ANKRD28: variants seen among roughly 807,000 people sequenced by gnomAD.
ANKRD28 encodes ankyrin repeat domain 28.
Under a neutral mutation model 126.5 loss-of-function variants are expected in ANKRD28, and 44 were observed. The ratio of observed to expected loss-of-function variants is 0.35; its 90% CI spans 0.27 to 0.45. The LOEUF (loss-of-function observed/expected upper bound fraction) is 0.45, where lower values mean the gene tolerates loss of function less well. ANKRD28 is among the 20% of genes least tolerant of loss of function. The probability of loss-of-function intolerance (pLI) is 1.00; values close to 1 mark genes in which losing one functional copy is unlikely to be tolerated. For missense variants in ANKRD28, 1,110 were observed against 1,316.6 expected, an observed-to-expected ratio of 0.84 and a Z score of 2.43; for synonymous variants, 442 against 468.5, an observed-to-expected ratio of 0.94 and a Z score of 0.73.
chr3:15,749,392 G>A lies in ANKRD28; in HGVS notation c.351+2358C>T, dbSNP rs141023610. ...CTCCCAAAGTGCTGGGATTACAGGC[G>A]TGAGCCACCGCGCCCGGCCTATGTT... On this transcript the variant is annotated intron_variant, in intron 4 of 27. Coordinates refer to ENST00000683139, the MANE Select transcript of ANKRD28 (RefSeq NM_001349278.2). Among the ~76,000 whole-genome samples the A allele has an allele frequency of 7.1e-3, 1,081 of 152,142 alleles. 7 individuals carry two copies. The highest frequency in any genetic ancestry group is 0.011 in the Non-Finnish European group (768 of 67,976).
chr3:15,777,900 A>ACACACACACC (rs2059370285), intron 2 of ANKRD28, among the ~76,000 whole-genome samples: 1 of 139,456 alleles, frequency 7.2e-6, no homozygotes. Flanking sequence ...ACACACACAC[A>ACACACACACC]CACCCTCTCC....
At position 15,838,122 on chromosome 3, in the gene ANKRD28, A is replaced by C. The variant is rs1575799849; in HGVS notation, c.27+21255T>G. Among the ~76,000 whole-genome samples, 1 of 152,340 alleles carries C rather than the reference A, an allele frequency of 6.6e-6. No homozygotes were observed. The highest frequency in any genetic ancestry group is 2.1e-4 in the South Asian group (1 of 4,832). On this transcript the variant is annotated intron_variant, in intron 1 of 27. Transcript: ENST00000399451. The surrounding 1 kb of genome is among the most constrained non-coding windows in gnomAD (Gnocchi z 4.0). ...AACTCTATCAACTAAAGAAATTAGTAATTAAAATCTTCCCACAAAGAAAAG... is the reference window on the plus strand; with the variant it reads ...AACTCTATCAACTAAAGAAATTAGTCATTAAAATCTTCCCACAAAGAAAAG...
chr3:15,757,325 C>A (rs1300375965), intron 3 of ANKRD28, among the ~76,000 whole-genome samples: 2 of 152,116 alleles, frequency 1.3e-5, no homozygotes, highest in African/African-American at 4.8e-5. Flanking sequence ...GTGCCCCTAA[C>A]CTCCACATTG....
intron 6 of ANKRD28, among the ~76,000 whole-genome samples, chr3:15,725,350 T>C (rs2074075676): frequency 6.6e-6 from 1 of 152,194 alleles, no homozygotes; most frequent in Non-Finnish European, 1.5e-5. Flanking sequence ...TTTGATTATG[T>C]TATTCAGTGA....
At chr3:15,822,266 A>T (rs1259955260) in intron 1 of ANKRD28, among the ~76,000 whole-genome samples, 2 of 152,200 alleles carry the variant, frequency 1.3e-5, no homozygotes, top group Non-Finnish European at 2.9e-5. Context: ...TCTAAAATCT[A>T]GGAGAGTTTG....
Position 15,796,999 on chromosome 3 carries a change from T to C in ANKRD28, c.-478A>G. On this transcript the variant is annotated 5_prime_UTR_variant, in exon 1 of 28. Transcript: ENST00000683139. The stretch of plus-strand genomic sequence containing the variant: ...CACTCTTGCCTGCAAGGTCATATAG[T>C]TACCAGTAGCTGTTTTGCTTATAAT... 1.0e-6 allele frequency: 1 copy of C among 985,344 alleles called. No homozygotes were observed. Among genetic ancestry groups the C allele is most frequent in the Non-Finnish European group, 1.2e-6 (1 of 829,890 alleles). The allele number at this position is 985,344 out of a possible 1,614,324, so 61.0% of individuals were successfully genotyped here. A position where few individuals can be genotyped will look rare whatever the true frequency, so the allele number is the denominator to read the frequency against.
chr3:15,721,556 C>T (rs1234185402), intron 7 of ANKRD28, among the ~76,000 whole-genome samples: 2 of 151,926 alleles, frequency 1.3e-5, no homozygotes, highest in Non-Finnish European at 2.9e-5. Flanking sequence ...TTTGCAGTGA[C>T]AAAGGCTAAC....
intron 1 of ANKRD28, among the ~76,000 whole-genome samples, chr3:15,828,240 T>C (rs2061112081): frequency 6.6e-6 from 1 of 152,192 alleles, no homozygotes; most frequent in Admixed American, 6.5e-5. Context: ...GTAAATAAGT[T>C]ATTTTCTAGA....
At position 15,853,234 on chromosome 3, in the gene ANKRD28, A is replaced by C. The variant is rs964646220; in HGVS notation, c.27+6143T>G. Among the ~76,000 whole-genome samples, 1 of 152,214 alleles carries C rather than the reference A, an allele frequency of 6.6e-6. No individual in the cohort carries two copies. Among genetic ancestry groups the C allele is most frequent in the Non-Finnish European group, 1.5e-5 (1 of 68,034 alleles). ...TGATTTGATATGATGTGAACCGCCC[A>C]TAGGATACATTATTCAAAACAAAAG... is the stretch of plus-strand genomic sequence containing the variant. On this transcript the variant is annotated intron_variant, in intron 1 of 27. Coordinates refer to the ANKRD28 transcript ENST00000399451. The surrounding 1 kb of genome is among the most constrained non-coding windows in gnomAD (Gnocchi z 4.2).
chr3:15,784,739 T>C (rs1032547407), intron 2 of ANKRD28, among the ~76,000 whole-genome samples: 2 of 151,854 alleles, frequency 1.3e-5, no homozygotes, highest in Non-Finnish European at 2.9e-5. Flanking sequence ...AAAAACAATA[T>C]CCAAGTATAT....
At chr3:15,776,423 A>C (rs944597546) in intron 2 of ANKRD28, among the ~76,000 whole-genome samples, 2 of 152,238 alleles carry the variant, frequency 1.3e-5, no homozygotes, top group African/African-American at 4.8e-5. Flanking sequence ...CATTCAGTGG[A>C]ATCAGGTCAA....
chr3:15,677,365 C>A (rs192639139), intron 25 of ANKRD28, 115 bp downstream of exon 25: 2 of 717,762 alleles, frequency 2.8e-6, no homozygotes, highest in African/African-American at 1.8e-5. Context: ...AAATCTAATA[C>A]CAGTGATCAT....
intron 2 of ANKRD28, among the ~76,000 whole-genome samples, chr3:15,779,611 G>A (rs1481845080): frequency 6.6e-6 from 1 of 152,056 alleles, no homozygotes. Flanking sequence ...AATTCCAAGG[G>A]CCTTAGTTTT....
chr3:15,759,587 C>T (rs760032570), intron 3 of ANKRD28, among the ~76,000 whole-genome samples: 10 of 152,104 alleles, frequency 6.6e-5, no homozygotes, highest in Non-Finnish European at 1.0e-4. Flanking sequence ...GAATTCTGGA[C>T]TGCAAGTTAA....
intron 1 of ANKRD28, among the ~76,000 whole-genome samples, chr3:15,827,481 C>G (rs1214774336): frequency 1.6e-4 from 25 of 152,138 alleles, no homozygotes; most frequent in Admixed American, 1.5e-3. Flanking sequence ...TACTTTGATG[C>G]ATTTTGAGTT....
intron 26 of ANKRD28, chr3:15,676,308 G>A (rs752641500): frequency 5.4e-5 from 12 of 221,086 alleles, no homozygotes; most frequent in East Asian, 4.8e-4. Context: ...GCATTCCTCC[G>A]TTGTTAAGGA....
intron 2 of ANKRD28, among the ~76,000 whole-genome samples, chr3:15,785,594 ACT>A (rs1257621676): frequency 2.0e-5 from 3 of 151,984 alleles, no homozygotes; most frequent in Admixed American, 1.3e-4. Context: ...AACAATAGAG[ACT>A]CTCATTTATA....
At chr3:15,786,880 A>G (rs147473513) in intron 2 of ANKRD28, among the ~76,000 whole-genome samples, 1 of 152,150 alleles carries the variant, frequency 6.6e-6, no homozygotes, top group Non-Finnish European at 1.5e-5. Flanking sequence ...AAATTGCTTT[A>G]AATACTGAAC....
At chr3:15,704,634 C>G (rs1480805557) in intron 14 of ANKRD28, among the ~76,000 whole-genome samples, 1 of 152,070 alleles carries the variant, frequency 6.6e-6, no homozygotes, top group African/African-American at 2.4e-5. Context: ...ATGCCTGATT[C>G]TCTTATTACT....
Sources: gnomAD v4.1 joint callset for allele counts (sites outside exome capture counted in the v4.1 genomes callset) on GRCh38, gnomAD v4.1.1 for gene constraint, Gnocchi (gnomAD v3.1) non-coding constraint, MANE v1.5 for transcripts, NCBI Gene and HGNC (gene_info 2026-07-23, HGNC 2026-07-21) for gene names.